PAPLN: variants seen among roughly 807,000 people sequenced by gnomAD.
PAPLN encodes papilin.
In PAPLN, 146 loss-of-function variants were observed where a neutral mutation model predicts 159.0. The ratio of observed to expected loss-of-function variants is 0.92; its 90% CI spans 0.80 to 1.05. The LOEUF is 1.05. Among genes scored for constraint, PAPLN ranks in the 50% least tolerant of loss-of-function variants. PAPLN has a pLI of 0.00. For synonymous variants in PAPLN, 734 were observed against 702.9 expected (o/e 1.04, Z -0.70); for missense variants, 1,720 against 1,743.9 (o/e 0.99, Z 0.24).
rs759713578 is a variant in PAPLN at position 73,251,068 on chromosome 14, C to A, written c.589+38C>A. The A allele has an allele frequency of 7.7e-6, 12 of 1,562,626 alleles. No homozygotes were observed. The South Asian group carries it at 1.3e-4, about 17-fold the overall frequency. ...CCGACAAGGGGCAGTTGCCTGCCCC[C>A]TTCCTTGCCTGTCCCTTCCTTGCCT... On this transcript the variant is annotated intron_variant, in intron 7 of 26. Transcript: ENST00000644200.
At position 73,262,394 on chromosome 14, in the gene PAPLN, G is replaced by A. The variant is rs141727137; in HGVS notation, c.2290G>A (p.Ala764Thr). The A allele has an allele frequency of 1.1e-3, 1,797 of 1,613,940 alleles. 1 individual carries two copies. Among genetic ancestry groups the A allele is most frequent in the Non-Finnish European group, 1.2e-3 (1,455 of 1,179,980 alleles). ...CLLPSAHGSCADWAARWYFVA... is the reference protein window; with the variant it reads ...CLLPSAHGSCTDWAARWYFVA... The stretch of plus-strand genomic sequence containing the variant: ...GCTGCCCAGTGCCCATGGCTCTTGC[G>A]CAGACTGGGCTGCCCGCTGGTACTT... Residue 764 changes from alanine (A) to threonine (T), a missense_variant, in exon 19 of 27, where the codon GCA becomes ACA. By Grantham distance (58) the Ala-to-Thr change is moderately conservative. Coordinates refer to ENST00000644200, the MANE Select transcript of PAPLN (RefSeq NM_001365906.3).
rs1887946740 is a variant in PAPLN at position 73,273,934 on chromosome 14, C to T, written c.*1270C>T. ...GAGCATGAAAGAACTGGAAACGCTC[C>T]TTACGTCGAGATGTTGGACCTTGAA... On this transcript the variant is annotated 3_prime_UTR_variant, in exon 27 of 27. Coordinates refer to ENST00000644200, the MANE Select transcript of PAPLN (RefSeq NM_001365906.3). 1 of 152,200 alleles carries T rather than the reference C, an allele frequency of 6.6e-6. No homozygotes were observed. Among genetic ancestry groups the T allele is most frequent in the Admixed American group, 6.5e-5 (1 of 15,286 alleles). 9.4% of individuals were successfully genotyped at this position (152,200 alleles called of 1,614,324 possible).
At chr14:73,257,009 T>C (rs975658063) in intron 14 of PAPLN, among the ~76,000 whole-genome samples, 1 of 152,246 alleles carries the variant, frequency 6.6e-6, no homozygotes, top group Non-Finnish European at 1.5e-5. Context: ...AGGGTCTCTG[T>C]TGCCCAGGCT....
rs1419710665 is a variant in PAPLN, at chr14:73,245,765, G to A, written c.231+69G>A. On this transcript the variant is annotated intron_variant, in intron 4 of 26. Transcript: ENST00000644200. This position sits in a 1 kb window ranked among gnomAD's most constrained non-coding sequence, Gnocchi z 4.2. ...CCCTCCTGGCCGATTTCCCCATTGG[G>A]ATGCCCGCTCCTGGCCGCGGGCTGC... 3.3e-6 allele frequency: 5 copies of A among 1,516,688 alleles called. No individual in the cohort carries two copies. The highest frequency in any genetic ancestry group is 4.4e-6 in the Non-Finnish European group (5 of 1,131,906). 94.0% of individuals were successfully genotyped at this position (1,516,688 alleles called of 1,614,324 possible).
chr14:73,249,674 CAAAAA>C (rs58852515), intron 5 of PAPLN: 32 of 93,434 alleles, frequency 3.4e-4, no homozygotes, highest in African/African-American at 1.2e-3. Flanking sequence ...GACTCCACCT[CAAAAA>C]AAAAAAAAAA....
intron 25 of PAPLN, among the ~76,000 whole-genome samples, chr14:73,267,874 C>T (rs1594834209): frequency 6.6e-6 from 1 of 152,304 alleles, no homozygotes; most frequent in East Asian, 1.9e-4. Flanking sequence ...TATGTCCCTG[C>T]AGACCCTATG....
At chr14:73,239,664 C>A in intron 1 of PAPLN, 109 bp from the exon 2 acceptor site, 1 of 1,476,988 alleles carries the variant, frequency 6.8e-7, no homozygotes, top group Non-Finnish European at 9.0e-7. Context: ...TGTTGCGGGT[C>A]TCCTGGTCAC....
rs543603876 is a variant in PAPLN, at chr14:73,259,649, G to A, written c.1985+104G>A. On this transcript the variant is annotated intron_variant, in intron 16 of 26. Coordinates refer to ENST00000644200, the MANE Select transcript of PAPLN (RefSeq NM_001365906.3). The stretch of plus-strand genomic sequence containing the variant: ...ATCAGAAGAGGGCTGGGGTGGGTGT[G>A]CAGAGCTCAGGAATAGGATGCCCAA... 5.2e-6 allele frequency: 7 copies of A among 1,344,980 alleles called. No homozygotes were observed. In the South Asian group the frequency reaches 1.0e-4, roughly 20 times the overall value. The allele number at this position is 1,344,980 out of a possible 1,614,324, so 83.3% of individuals were successfully genotyped here.
Position 73,265,278 on chromosome 14 carries a change from G to A in PAPLN, c.3126-92G>A. The stretch of plus-strand genomic sequence containing the variant: ...GAAGCTGAATCTGGCTGGAGAGGGA[G>A]AAGGGGCCACCAGGCTTGTGCAGAG... On this transcript the variant is annotated intron_variant, in intron 22 of 26. Coordinates refer to ENST00000644200, the MANE Select transcript of PAPLN (RefSeq NM_001365906.3). The surrounding 1 kb of genome is among the most constrained non-coding windows in gnomAD (Gnocchi z 4.1). The A allele has an allele frequency of 6.6e-7, 1 of 1,522,442 alleles. No homozygotes were observed. Among genetic ancestry groups the A allele is most frequent in the Non-Finnish European group, 8.8e-7 (1 of 1,138,670 alleles). 94.3% of individuals were successfully genotyped at this position (1,522,442 alleles called of 1,614,324 possible).
In PAPLN at chr14:73,263,791, G is replaced by A; in HGVS notation, c.2861+9G>A. The A allele has an allele frequency of 1.3e-6, 2 of 1,598,204 alleles. No homozygotes were observed. Among genetic ancestry groups the A allele is most frequent in the Non-Finnish European group, 1.7e-6 (2 of 1,178,456 alleles). The stretch of plus-strand genomic sequence containing the variant: ...CCCATCTCCTCTGACAGGTGGGTGA[G>A]AGTCCCCCCACCTCCTCTGACAGGT... On this transcript the variant is annotated intron_variant, in intron 20 of 26. Transcript: ENST00000644200.
At chr14:73,255,127 C>T in intron 14 of PAPLN, 109 bp downstream of exon 14, 7 of 1,406,230 alleles carry the variant, frequency 5.0e-6, no homozygotes, top group South Asian at 2.8e-5. Flanking sequence ...TGTGTCATCC[C>T]TCTGGACCCC....
Position 73,250,042 on chromosome 14 carries a change from C to T in PAPLN, c.393C>T (p.His131=), listed in dbSNP as rs1202341079. ...AGGGGGAGAACTTCTACTACAAGCA[C>T]AGGGAGGCTGTGGTTGATGGGACGC... ...IPKGENFYYK[H]REAVVDGTPC... Residue 131 remains histidine (H), a synonymous_variant, in exon 6 of 27, where the codon CAC becomes CAT. Coordinates refer to ENST00000644200, the MANE Select transcript of PAPLN (RefSeq NM_001365906.3). 3 of 1,613,370 alleles carry T rather than the reference C, an allele frequency of 1.9e-6. No homozygotes were observed. The highest frequency in any genetic ancestry group is 2.7e-5 in the African/African-American group (2 of 74,998).
intron 20 of PAPLN, chr14:73,263,996 ACCT>A: frequency 1.5e-6 from 2 of 1,323,274 alleles, no homozygotes; most frequent in Non-Finnish European, 9.7e-7. Flanking sequence ...CAGCCCCCCG[ACCT>A]CCTCTGACAG....
At chr14:73,236,882 G>A (rs1436809557), upstream of PAPLN, among the ~76,000 whole-genome samples, 4 of 140,314 alleles carry the variant, frequency 2.9e-5, no homozygotes, top group Non-Finnish European at 6.1e-5. Context: ...AGAAAGGGAG[G>A]GAGGAAAGTA....
At chr14:73,270,487 T>G (rs1286447383) in intron 26 of PAPLN, among the ~76,000 whole-genome samples, 1 of 152,186 alleles carries the variant, frequency 6.6e-6, no homozygotes, top group East Asian at 1.9e-4. Context: ...AGATACATGG[T>G]GACTAAGTGC....
rs868717100 is a variant in PAPLN, at chr14:73,263,877, A to T, written c.2861+95A>T. 3 of 1,259,146 alleles carry T rather than the reference A, an allele frequency of 2.4e-6. No homozygotes were observed. In the Middle Eastern group the frequency reaches 6.0e-4, roughly 251 times the overall value. The allele number at this position is 1,259,146 out of a possible 1,614,324, so 78.0% of individuals were successfully genotyped here. ...TGACAGCTCCCCCACCTCCTCTGATAGGTGTGACAGACCCCCTCCTCCTTT... is the reference window on the plus strand; with the variant it reads ...TGACAGCTCCCCCACCTCCTCTGATTGGTGTGACAGACCCCCTCCTCCTTT... On this transcript the variant is annotated intron_variant, in intron 20 of 26. Transcript: ENST00000644200.
chr14:73,267,482 T>A (rs1887338994), intron 25 of PAPLN, among the ~76,000 whole-genome samples: 1 of 152,224 alleles, frequency 6.6e-6, no homozygotes, highest in South Asian at 2.1e-4. Context: ...AACTGCTGTC[T>A]GTGCACAGAG....
rs1399833962 is a variant in PAPLN, at chr14:73,251,657, T to G, written c.671-7T>G. ...TCTGGCTGACTGAGGCGGTCTCCTC[T>G]GCGCAGCTGTGAAGAATGTTCGTGG... is the stretch of plus-strand genomic sequence containing the variant. On this transcript the variant is annotated splice_region_variant and splice_polypyrimidine_tract_variant and intron_variant, in intron 8 of 26. Coordinates refer to ENST00000644200, the MANE Select transcript of PAPLN (RefSeq NM_001365906.3). 1.9e-6 allele frequency: 3 copies of G among 1,613,434 alleles called. No individual in the cohort carries two copies. In the African/African-American group the frequency reaches 4.0e-5, roughly 22 times the overall value.
intron 14 of PAPLN, among the ~76,000 whole-genome samples, chr14:73,255,563 C>T (rs1241208812): frequency 6.6e-6 from 1 of 152,070 alleles, no homozygotes; most frequent in Non-Finnish European, 1.5e-5. Flanking sequence ...TGAAAGGAGC[C>T]TCACAAGCAT....
Sources: allele counts gnomAD v4.1 joint callset (sites outside exome capture counted in the v4.1 genomes callset), GRCh38; gene constraint gnomAD v4.1.1; non-coding constraint Gnocchi (gnomAD v3.1); transcripts MANE v1.5; gene names NCBI Gene and HGNC (gene_info 2026-07-23, HGNC 2026-07-21).